PLXNA4: variants seen among roughly 807,000 people sequenced by gnomAD.
The protein encoded by PLXNA4 is plexin A4, also known as plexin-A4.
PLXNA4 carries 44 observed loss-of-function variants against 191.8 expected under a neutral mutation model. The ratio of observed to expected loss-of-function variants is 0.23; its 90% CI spans 0.18 to 0.29. PLXNA4 has a LOEUF of 0.29. Among genes scored for constraint, PLXNA4 ranks in the 10% least tolerant of loss-of-function variants. The pLI is 1.00. For synonymous variants in PLXNA4, 1,082 were observed against 1,009.5 expected (o/e 1.07, Z -1.36); for missense variants, 1,800 against 2,488.8 (o/e 0.72, Z 5.89).
intron 1 of PLXNA4, among the ~76,000 whole-genome samples, chr7:132,570,375 A>G (rs979565292): frequency 6.6e-6 from 1 of 150,972 alleles, no homozygotes; most frequent in Non-Finnish European, 1.5e-5. Context: ...TCACTCTCTA[A>G]CCCCGCCACA....
At chr7:132,371,223 G>C (rs554457363) in intron 3 of PLXNA4, among the ~76,000 whole-genome samples, 1 of 152,130 alleles carries the variant, frequency 6.6e-6, no homozygotes, top group African/African-American at 2.4e-5. Context: ...CTTTGGCTCC[G>C]TGTTATGTAT....
chr7:132,559,178 A>G (rs1480882319), intron 1 of PLXNA4, among the ~76,000 whole-genome samples: 1 of 152,206 alleles, frequency 6.6e-6, no homozygotes, highest in Non-Finnish European at 1.5e-5. Context: ...GCAGCTCCGT[A>G]AATGTATTAC....
intron 2 of PLXNA4, among the ~76,000 whole-genome samples, chr7:132,499,247 C>T (rs1240211924): frequency 6.6e-6 from 1 of 152,238 alleles, no homozygotes; most frequent in Non-Finnish European, 1.5e-5. Flanking sequence ...GCCTCGTGTT[C>T]CTCCCTCTGA....
chr7:132,473,038 T>C (rs1263507448), intron 3 of PLXNA4, among the ~76,000 whole-genome samples: 1 of 152,102 alleles, frequency 6.6e-6, no homozygotes, highest in African/African-American at 2.4e-5. Context: ...CGTGGCAGAG[T>C]ATTTACAAAT....
chr7:132,398,978 G>C, intron 3 of PLXNA4, among the ~76,000 whole-genome samples: 1 of 152,136 alleles, frequency 6.6e-6, no homozygotes, highest in East Asian at 1.9e-4. Context: ...CCACTCCTCA[G>C]CTGGCCCTGG....
chr7:132,524,233 T>C (rs1799310167), intron 1 of PLXNA4, among the ~76,000 whole-genome samples: 1 of 152,156 alleles, frequency 6.6e-6, no homozygotes, highest in African/African-American at 2.4e-5. Context: ...GGGATGTCAA[T>C]GAAAGAATTT....
At position 132,146,622 on chromosome 7, in the gene PLXNA4, C is replaced by T. The variant is rs1287374442; in HGVS notation, c.4943G>A (p.Gly1648Glu). The change falls in exon 28 of 32, where the codon GGA becomes GAA. Residue 1648 changes from glycine to glutamate, a missense_variant. Transcript: ENST00000321063. The part of the protein sequence containing the change: ...TPMITPDLES[G>E]VKMWHLVKNH... ...CTTCACTAGGTGCCACATCTTGACT[C>T]CACTCTCCAGGTCAGGAGTGATCAT... 2.5e-6 allele frequency: 4 copies of T among 1,614,190 alleles called. No individual in the cohort carries two copies. Among genetic ancestry groups the T allele is most frequent in the Non-Finnish European group, 3.4e-6 (4 of 1,180,036 alleles).
intron 3 of PLXNA4, among the ~76,000 whole-genome samples, chr7:132,370,934 A>G (rs1464747853): frequency 1.3e-5 from 2 of 152,132 alleles, no homozygotes; most frequent in African/African-American, 4.8e-5. Context: ...AGGCAGGGAG[A>G]GCTGATGCCT....
chr7:132,337,936 G>A (rs1423568370), intron 3 of PLXNA4, among the ~76,000 whole-genome samples: 3 of 152,176 alleles, frequency 2.0e-5, no homozygotes, highest in Non-Finnish European at 4.4e-5. Flanking sequence ...AAGTTCTGCT[G>A]ACTGTCTGCT....
At chr7:132,337,950 A>C (rs2116729505) in intron 3 of PLXNA4, among the ~76,000 whole-genome samples, 1 of 152,262 alleles carries the variant, frequency 6.6e-6, no homozygotes, top group South Asian at 2.1e-4. Flanking sequence ...GTCTGCTCTA[A>C]GTTTTTCCTG....
chr7:132,487,385 C>G (rs930616365), intron 3 of PLXNA4, among the ~76,000 whole-genome samples: 1 of 152,222 alleles, frequency 6.6e-6, no homozygotes, highest in African/African-American at 2.4e-5. Context: ...CTTATTTACT[C>G]TTAATGGTGC....
At chr7:132,564,241 C>T (rs1191875785) in intron 1 of PLXNA4, among the ~76,000 whole-genome samples, 2 of 136,638 alleles carry the variant, frequency 1.5e-5, no homozygotes, top group Non-Finnish European at 3.1e-5. Context: ...CCTCTTCCTC[C>T]TCCTCCTTCT....
intron 3 of PLXNA4, among the ~76,000 whole-genome samples, chr7:132,443,079 C>T (rs1795755492): frequency 6.6e-6 from 1 of 152,188 alleles, no homozygotes; most frequent in Non-Finnish European, 1.5e-5. Flanking sequence ...CATGGTACAG[C>T]CATGCAGATA....
chr7:132,578,465 C>T (rs368827868), upstream of PLXNA4, among the ~76,000 whole-genome samples: 7 of 152,346 alleles, frequency 4.6e-5, 1 homozygote, highest in South Asian at 1.4e-3. Flanking sequence ...ATCTCAGAGC[C>T]TCCTTATTAG....
At position 132,222,946 on chromosome 7, in the gene PLXNA4, C is replaced by T. The variant is rs146680648; in HGVS notation, c.2097+581G>A. ...AGCCCAAGTTGCTGCACCCTGCCCC[C>T]GGAGCTTCTCATTCAGTTGGCCTAG... On this transcript the variant is annotated intron_variant, in intron 9 of 31. Transcript: ENST00000321063. 1.9e-3 allele frequency among the ~76,000 whole-genome samples: 296 copies of T among 152,344 alleles called. 1 individual carries two copies. Among genetic ancestry groups the T allele is most frequent in the African/African-American group, 5.7e-3 (237 of 41,580 alleles).
At chr7:132,578,754 C>T (rs1470754053), upstream of PLXNA4, among the ~76,000 whole-genome samples, 1 of 152,184 alleles carries the variant, frequency 6.6e-6, no homozygotes, top group African/African-American at 2.4e-5. Context: ...CAGGAGACAG[C>T]GTGGAGCCCT....
intron 5 of PLXNA4, among the ~76,000 whole-genome samples, chr7:132,240,582 T>A (rs1798844316): frequency 6.6e-6 from 1 of 152,164 alleles, no homozygotes; most frequent in Admixed American, 6.5e-5. Flanking sequence ...CAGAAAATCC[T>A]TTGGAGCTGT....
chr7:132,385,878 C>G (rs900948562), intron 3 of PLXNA4, among the ~76,000 whole-genome samples: 1 of 152,228 alleles, frequency 6.6e-6, no homozygotes, highest in African/African-American at 2.4e-5. Flanking sequence ...AAATCAAAAT[C>G]TATCCACTCA....
At chr7:132,563,796 CCTCCTCCTT>C (rs1801525815) in intron 1 of PLXNA4, among the ~76,000 whole-genome samples, 1 of 105,400 alleles carries the variant, frequency 9.5e-6, no homozygotes, top group Admixed American at 9.2e-5. Flanking sequence ...TCCTCCTTCT[CCTCCTCCTT>C]CTCCTCCTCC....
Sources: allele counts gnomAD v4.1 joint callset (sites outside exome capture counted in the v4.1 genomes callset), GRCh38; gene constraint gnomAD v4.1.1; transcripts MANE v1.5; gene names NCBI Gene and HGNC (gene_info 2026-07-23, HGNC 2026-07-21).